The following HSD17B4 variants were observed in gnomAD, a reference collection of about 807,000 sequenced individuals.
HSD17B4 encodes the protein peroxisomal multifunctional enzyme type 2.
In HSD17B4, 70 loss-of-function variants were observed where a neutral mutation model predicts 101.0. That is an observed-to-expected ratio of 0.69 (90% CI 0.57 to 0.85). The LOEUF is 0.85. Ranked by LOEUF, HSD17B4 falls within the 40% of genes least tolerant of loss-of-function variation. The probability of loss-of-function intolerance (pLI) is 0.00; values close to 1 mark genes in which losing one functional copy is unlikely to be tolerated. For synonymous variants in HSD17B4, 347 were observed against 297.1 expected, an observed-to-expected ratio of 1.17 and a Z score of -1.73; for missense variants, 984 against 892.4, an observed-to-expected ratio of 1.10 and a Z score of -1.31.
rs149664557 is a variant in HSD17B4 at position 119,464,883 on chromosome 5, C to T, written c.112+8515C>T. Among the ~76,000 whole-genome samples, 71 of 152,268 alleles carry T rather than the reference C, an allele frequency of 4.7e-4. No homozygotes were observed. The East Asian group carries it at 8.1e-3, about 17-fold the overall frequency. On this transcript the variant is annotated intron_variant, in intron 2 of 23. Transcript: ENST00000510025. ...TGCTGGGATTATAGGCGTGAGCCACCGCGCCCGGCCTTTGGTAGCTCTAGC... is the reference window on the plus strand; with the variant it reads ...TGCTGGGATTATAGGCGTGAGCCACTGCGCCCGGCCTTTGGTAGCTCTAGC...
chr5:119,473,068 A>G (rs28792671), intron 2 of HSD17B4, among the ~76,000 whole-genome samples: 1,889 of 152,122 alleles, frequency 0.012, 16 homozygotes, highest in African/African-American at 0.023. Flanking sequence ...GCTATTGTGA[A>G]TTGTGTTGCA....
In HSD17B4 at chr5:119,477,134, G is replaced by A. The variant is rs460274; in HGVS notation, c.350-283G>A. ...TTTTATATTAGCAAAATTTTTATAT[G>A]AAGTAGGCATAAAATAAGGGCGTAG... is the stretch of plus-strand genomic sequence containing the variant. On this transcript the variant is annotated intron_variant, in intron 6 of 23. Coordinates refer to ENST00000510025, the MANE Select transcript of HSD17B4 (RefSeq NM_000414.4). Among the ~76,000 whole-genome samples, 94,842 of 151,980 alleles carry A rather than the reference G, an allele frequency of 0.62. 30,142 individuals are homozygous for A. Among genetic ancestry groups the A allele is most frequent in the East Asian group, 0.92 (4,793 of 5,184 alleles).
intron 16 of HSD17B4, among the ~76,000 whole-genome samples, chr5:119,510,737 C>G (rs546326743): frequency 8.4e-4 from 128 of 152,278 alleles, no homozygotes; most frequent in Non-Finnish European, 1.3e-3. Context: ...GTCACAACCC[C>G]TCCCTTTGTT....
At chr5:119,469,712 C>T (rs1329373046) in intron 2 of HSD17B4, among the ~76,000 whole-genome samples, 6 of 152,148 alleles carry the variant, frequency 3.9e-5, no homozygotes, top group South Asian at 2.1e-4. Context: ...GTAGAACAGT[C>T]GTATCTTCCC....
chr5:119,493,902 A>T lies in HSD17B4; in HGVS notation c.824A>T (p.Lys275Met). 1 of 1,613,458 alleles carries T rather than the reference A, an allele frequency of 6.2e-7. No individual in the cohort carries two copies. The highest frequency in any genetic ancestry group is 1.3e-5 in the African/African-American group (1 of 75,024). Residue 275 changes from lysine to methionine, a missense_variant, in exon 11 of 24, where the codon AAG becomes ATG. Transcript: ENST00000510025. ...GAGGCAGTCAAGGCTAACTGGAAGA[A>T]GATCTGTGACTTTGAGAATGCCAGC... ...TPEAVKANWK[K>M]ICDFENASKP...
At chr5:119,472,370 A>G (rs1239892820) in intron 2 of HSD17B4, 1 of 152,146 alleles carries the variant, frequency 6.6e-6, no homozygotes, top group Non-Finnish European at 1.5e-5. Flanking sequence ...TAAGTGTACA[A>G]TATAGTATTG....
At chr5:119,525,764 C>T (rs1753536131) in intron 18 of HSD17B4, 153 bp from the exon 19 acceptor site, 2 of 525,160 alleles carry the variant, frequency 3.8e-6, no homozygotes, top group Non-Finnish European at 6.9e-6. Context: ...CCAGGAAATA[C>T]TCTTTAAAAA....
At position 119,508,170 on chromosome 5, in the gene HSD17B4, T is replaced by A. The variant is rs1751832990; in HGVS notation, c.1334-971T>A. ...GTCATTCCAGATGTTGGCCAACACT[T>A]GGCTACTATTCTCCCAGTTCTCTTT... On this transcript the variant is annotated intron_variant, in intron 15 of 23. Coordinates refer to ENST00000510025, the MANE Select transcript of HSD17B4 (RefSeq NM_000414.4). 2.0e-5 allele frequency among the ~76,000 whole-genome samples: 3 copies of A among 152,054 alleles called. No homozygotes were observed. The South Asian group carries it at 6.2e-4, about 32-fold the overall frequency.
intron 2 of HSD17B4, among the ~76,000 whole-genome samples, chr5:119,465,461 C>G (rs1232668787): frequency 6.6e-6 from 1 of 152,208 alleles, no homozygotes; most frequent in African/African-American, 2.4e-5. Flanking sequence ...GATGCACTTG[C>G]TCCCCCTTTG....
chr5:119,515,748 C>T (rs1752552920), intron 17 of HSD17B4, among the ~76,000 whole-genome samples: 1 of 152,124 alleles, frequency 6.6e-6, no homozygotes, highest in South Asian at 2.1e-4. Context: ...ATCCTTAAAC[C>T]TCTGGAGTAA....
At chr5:119,520,058 T>G (rs762265497) in intron 17 of HSD17B4, among the ~76,000 whole-genome samples, 7 of 152,158 alleles carry the variant, frequency 4.6e-5, no homozygotes, top group Non-Finnish European at 1.0e-4. Flanking sequence ...CTTCACTGAT[T>G]ATTTGTGGGT....
At chr5:119,494,337 C>CTTTG (rs374270758) in intron 11 of HSD17B4, among the ~76,000 whole-genome samples, 1 of 136,832 alleles carries the variant, frequency 7.3e-6, no homozygotes, top group South Asian at 2.4e-4. Flanking sequence ...TTCTTTCTTT[C>CTTTG]TTTCTTTCTT....
At chr5:119,499,588 T>G (rs770411763) in intron 13 of HSD17B4, 35 bp downstream of exon 13, 1 of 1,206,298 alleles carries the variant, frequency 8.3e-7, no homozygotes, top group Admixed American at 1.7e-5. Flanking sequence ...TTTGCTTTTC[T>G]ATTTCTGTAA....
At chr5:119,538,043 C>G (rs571177654) in intron 23 of HSD17B4, among the ~76,000 whole-genome samples, 18 of 152,228 alleles carry the variant, frequency 1.2e-4, no homozygotes, top group African/African-American at 4.1e-4. Context: ...ACTTAGTCTT[C>G]TCTGAGCTCC....
intron 2 of HSD17B4, among the ~76,000 whole-genome samples, chr5:119,469,313 T>TA (rs1278926798): frequency 1.3e-5 from 2 of 151,714 alleles, no homozygotes; most frequent in African/African-American, 4.8e-5. Flanking sequence ...TTTTTTTTTT[T>TA]AACTTAAAAA....
At chr5:119,530,353 A>G (rs11949608) in intron 21 of HSD17B4, among the ~76,000 whole-genome samples, 41,903 of 152,046 alleles carry the variant, frequency 0.28, 7,217 homozygotes, top group East Asian at 0.4. Context: ...TTTTGTATGC[A>G]AATATATAAA....
chr5:119,499,653 A>G (rs962209234), intron 13 of HSD17B4, 100 bp downstream of exon 13: 2 of 583,004 alleles, frequency 3.4e-6, no homozygotes, highest in Non-Finnish European at 5.9e-6. Context: ...GTGTGTATAT[A>G]TATTTATATA....
intron 16 of HSD17B4, among the ~76,000 whole-genome samples, chr5:119,512,069 G>C (rs756565630): frequency 3.9e-5 from 6 of 152,050 alleles, no homozygotes; most frequent in Non-Finnish European, 7.4e-5. Flanking sequence ...TAACTGAGAT[G>C]AAAAATTTAC....
intron 1 of HSD17B4, among the ~76,000 whole-genome samples, chr5:119,453,282 A>C (rs563721157): frequency 2.6e-5 from 4 of 152,346 alleles, no homozygotes; most frequent in Admixed American, 1.3e-4. Context: ...TGATGGAGAA[A>C]GAAAATGGGA....
Sources: allele counts gnomAD v4.1 joint callset (sites outside exome capture counted in the v4.1 genomes callset), GRCh38; gene constraint gnomAD v4.1.1; transcripts MANE v1.5; gene names NCBI Gene and HGNC (gene_info 2026-07-23, HGNC 2026-07-21).